Variants in SHTN1 observed in about 807,000 individuals in gnomAD.
SHTN1 encodes the protein shootin 1.
SHTN1 carries 42 observed loss-of-function variants against 83.1 expected under a neutral mutation model. The ratio of observed to expected loss-of-function variants is 0.51; its 90% confidence interval spans 0.39 to 0.65. SHTN1 has a LOEUF of 0.65. Ranked by LOEUF, SHTN1 falls within the 30% of genes least tolerant of loss-of-function variation. The probability of loss-of-function intolerance (pLI) is 0.00; values close to 1 mark genes in which losing one functional copy is unlikely to be tolerated. For missense variants in SHTN1, 622 were observed against 737.8 expected (o/e 0.84, Z 1.82); for synonymous variants, 224 against 247.7 (o/e 0.90, Z 0.90).
intron 1 of SHTN1, among the ~76,000 whole-genome samples, chr10:117,051,162 T>C (rs1025058385): frequency 6.6e-6 from 1 of 152,092 alleles, no homozygotes; most frequent in Non-Finnish European, 1.5e-5. Context: ...CAGGATGAAA[T>C]GGACAAAGTC....
chr10:117,017,714 C>G (rs769774183), intron 2 of SHTN1, among the ~76,000 whole-genome samples: 4 of 152,024 alleles, frequency 2.6e-5, no homozygotes, highest in Non-Finnish European at 4.4e-5. Context: ...AGGCTGGATT[C>G]AGTCACTTGC....
intron 11 of SHTN1, among the ~76,000 whole-genome samples, chr10:116,923,968 A>G (rs895431286): frequency 6.6e-6 from 1 of 152,142 alleles, no homozygotes; most frequent in Non-Finnish European, 1.5e-5. Context: ...CTCACTGGAT[A>G]ATCTCCCATA....
At chr10:117,124,677 G>A (rs1853977696) in intron 1 of SHTN1, among the ~76,000 whole-genome samples, 1 of 152,184 alleles carries the variant, frequency 6.6e-6, no homozygotes, top group Admixed American at 6.5e-5. Flanking sequence ...GGAGGCTGAA[G>A]CAGGGAGAAT....
intron 1 of SHTN1, 23 bp downstream of exon 1, chr10:117,004,999 C>G (rs766119470): frequency 4.7e-5 from 74 of 1,580,452 alleles, no homozygotes; most frequent in Middle Eastern, 3.6e-4. Context: ...GCTGCCCACA[C>G]CTGGCGCCCG....
chr10:116,974,479 T>C (rs1341672818), intron 2 of SHTN1, among the ~76,000 whole-genome samples: 1 of 152,156 alleles, frequency 6.6e-6, no homozygotes, highest in African/African-American at 2.4e-5. Flanking sequence ...AATAGACAAC[T>C]GAGCCAAGAT....
chr10:117,044,399 G>A (rs908781358), intron 2 of SHTN1, among the ~76,000 whole-genome samples: 2 of 151,848 alleles, frequency 1.3e-5, no homozygotes, highest in African/African-American at 2.4e-5. Context: ...TCACCTACAC[G>A]AAAGCCTTAT....
At chr10:117,007,025 C>T (rs1852027653), upstream of SHTN1, among the ~76,000 whole-genome samples, 1 of 151,726 alleles carries the variant, frequency 6.6e-6, no homozygotes, top group South Asian at 2.1e-4. Context: ...TTTTTTAATA[C>T]AGTGTATTAA....
chr10:117,123,287 G>T (rs780074391), intron 1 of SHTN1, among the ~76,000 whole-genome samples: 2 of 151,942 alleles, frequency 1.3e-5, no homozygotes, highest in Non-Finnish European at 2.9e-5. Context: ...TAAAAGGCAG[G>T]GGTTCTATCC....
chr10:117,026,423 CTTTTTT>C (rs56269054), intron 2 of SHTN1, among the ~76,000 whole-genome samples: 1 of 143,510 alleles, frequency 7.0e-6, no homozygotes, highest in Non-Finnish European at 1.5e-5. Flanking sequence ...AGATAGACTT[CTTTTTT>C]TTTTTTTTTT....
At chr10:117,031,960 C>T (rs1301708367) in intron 2 of SHTN1, among the ~76,000 whole-genome samples, 3 of 151,802 alleles carry the variant, frequency 2.0e-5, no homozygotes, top group East Asian at 1.9e-4. Context: ...CATAGAGTGG[C>T]TAAATGGATA....
intron 16 of SHTN1, among the ~76,000 whole-genome samples, chr10:116,892,054 C>A (rs1329295107): frequency 6.6e-6 from 1 of 152,134 alleles, no homozygotes; most frequent in Non-Finnish European, 1.5e-5. Context: ...TCAACATGAA[C>A]AAGAATTCCT....
intron 14 of SHTN1, among the ~76,000 whole-genome samples, chr10:116,910,322 C>T (rs1187334193): frequency 6.6e-6 from 1 of 152,138 alleles, no homozygotes; most frequent in Non-Finnish European, 1.5e-5. Context: ...CCAGGTAAGG[C>T]AGTGAGATCT....
intron 16 of SHTN1, among the ~76,000 whole-genome samples, chr10:116,891,680 G>C (rs891658644): frequency 6.6e-6 from 1 of 152,058 alleles, no homozygotes; most frequent in African/African-American, 2.4e-5. Context: ...AGGTAGTTTT[G>C]ATTGTTTCTT....
intron 15 of SHTN1, among the ~76,000 whole-genome samples, chr10:116,903,587 G>A (rs1394752759): frequency 6.6e-6 from 1 of 152,060 alleles, no homozygotes; most frequent in Non-Finnish European, 1.5e-5. Flanking sequence ...ATGGAGCTGT[G>A]GCAGTTACGA....
chr10:117,006,240 G>GTTTTTTTTTTT (rs11434853), upstream of SHTN1, among the ~76,000 whole-genome samples: 1 of 147,250 alleles, frequency 6.8e-6, no homozygotes. Flanking sequence ...GTTTTTTTTT[G>GTTTTTTTTTTT]TTTTTTTTTT....
At chr10:116,922,817 A>C (rs967148065) in intron 11 of SHTN1, among the ~76,000 whole-genome samples, 20 of 152,258 alleles carry the variant, frequency 1.3e-4, no homozygotes, top group African/African-American at 4.6e-4. Context: ...ATATGAAAAA[A>C]TTAGCTGGGC....
At chr10:117,052,384 A>C (rs1321659402) in intron 1 of SHTN1, among the ~76,000 whole-genome samples, 1 of 152,110 alleles carries the variant, frequency 6.6e-6, no homozygotes. Flanking sequence ...TGCAATCCCT[A>C]GCAAAATTCC....
chr10:117,078,479 C>T (rs1865955), intron 1 of SHTN1, among the ~76,000 whole-genome samples: 100,360 of 152,134 alleles, frequency 0.66, 36,552 homozygotes, highest in Middle Eastern at 0.84. Flanking sequence ...ATTGTGGCCA[C>T]ATCATTATAG....
intron 2 of SHTN1, chr10:116,974,047 T>C: frequency 1.9e-6 from 2 of 1,062,266 alleles, no homozygotes; most frequent in Non-Finnish European, 2.3e-6. Flanking sequence ...TCTCTTTCTC[T>C]TTTGGTGTTC....
Sources: gnomAD v4.1 joint callset for allele counts (sites outside exome capture counted in the v4.1 genomes callset) on GRCh38, gnomAD v4.1.1 for gene constraint, MANE v1.5 for transcripts, NCBI Gene and HGNC (gene_info 2026-07-23, HGNC 2026-07-21) for gene names.